Variants in FOXP4 observed in about 807,000 individuals in gnomAD.
FOXP4 encodes forkhead box P4, also known as forkhead box protein P4.
A neutral mutation model predicts 82.6 loss-of-function variants in FOXP4; 25 were observed. The ratio of observed to expected loss-of-function variants is 0.30; its 90% confidence interval spans 0.22 to 0.42. FOXP4 has a LOEUF of 0.42. FOXP4 is among the 10% of genes least tolerant of loss of function. The probability of loss-of-function intolerance (pLI) is 1.00; values close to 1 mark genes in which losing one functional copy is unlikely to be tolerated. For synonymous variants in FOXP4, 415 were observed against 388.2 expected (o/e 1.07, Z -0.81); for missense variants, 785 against 900.9 (o/e 0.87, Z 1.65).
chr6:41,593,223 C>T lies in FOXP4; in HGVS notation c.1537-1647C>T, dbSNP rs1200058962. ...CCCTCAGGTCATCTCTGCTCCTCTC[C>T]CGAATTATTTGTGCTTTCTTCTTTC... is the stretch of plus-strand genomic sequence containing the variant. On this transcript the variant is annotated intron_variant, in intron 13 of 16. Transcript: ENST00000307972. This position sits in a 1 kb window ranked among gnomAD's most constrained non-coding sequence, Gnocchi z 4.1. Among the ~76,000 whole-genome samples the T allele has an allele frequency of 6.6e-6, 1 of 152,214 alleles. No homozygotes were observed. The highest frequency in any genetic ancestry group is 6.5e-5 in the Admixed American group (1 of 15,288).
intron 15 of FOXP4, 101 bp from the exon 16 acceptor site, chr6:41,597,680 C>T: frequency 7.0e-7 from 1 of 1,426,838 alleles, no homozygotes; most frequent in Non-Finnish European, 9.4e-7. Flanking sequence ...AGTAGGCAGA[C>T]ACACAGGCAG....
chr6:41,593,704 C>T lies in FOXP4; in HGVS notation c.1537-1166C>T, dbSNP rs1436531702. ...GCTCCAAGAGATTCCACTCCAGCCG[C>T]CCGCCTCCCTCGTGGATTAGCAAGC... On this transcript the variant is annotated intron_variant, in intron 13 of 16. Coordinates refer to ENST00000307972, the MANE Select transcript of FOXP4 (RefSeq NM_001012426.2). The surrounding 1 kb of genome is among the most constrained non-coding windows in gnomAD (Gnocchi z 4.1). 1.3e-5 allele frequency among the ~76,000 whole-genome samples: 2 copies of T among 152,160 alleles called. No homozygotes were observed. Among genetic ancestry groups the T allele is most frequent in the Non-Finnish European group, 2.9e-5 (2 of 68,030 alleles).
intron 2 of FOXP4, 36 bp downstream of exon 2, chr6:41,566,000 GGA>G: frequency 6.3e-7 from 1 of 1,587,462 alleles, no homozygotes. Flanking sequence ...TCTGGGAGCG[GGA>G]GAGGGGCACT....
rs1299334359 is a variant in FOXP4 at position 41,591,353 on chromosome 6, C to T, written c.1536+31C>T. On this transcript the variant is annotated intron_variant, in intron 13 of 16. Coordinates refer to ENST00000307972, the MANE Select transcript of FOXP4 (RefSeq NM_001012426.2). This position sits in a 1 kb window ranked among gnomAD's most constrained non-coding sequence, Gnocchi z 4.2. ...GCAGGCCCCTTCCACCTTCTGGGCC[C>T]CAGTCACCCTTGGACCTGCCATATC... 6.5e-7 allele frequency: 1 copy of T among 1,540,428 alleles called. No individual in the cohort carries two copies.
chr6:41,563,953 A>G (rs1338727440), intron 1 of FOXP4, among the ~76,000 whole-genome samples: 14 of 152,190 alleles, frequency 9.2e-5, no homozygotes. Flanking sequence ...GGATCCTGGA[A>G]CCAATCCCCC....
At chr6:41,562,363 A>G (rs968527496) in intron 1 of FOXP4, among the ~76,000 whole-genome samples, 2 of 152,180 alleles carry the variant, frequency 1.3e-5, no homozygotes, top group East Asian at 1.9e-4. Flanking sequence ...TCAAATGCAT[A>G]TAATCTCAAG....
chr6:41,597,980 C>G (rs1196307394), intron 16 of FOXP4, 30 bp downstream of exon 16: 1 of 1,440,282 alleles, frequency 6.9e-7, no homozygotes, highest in East Asian at 2.6e-5. Context: ...CCCCACCCAC[C>G]CCAGCACCCC....
intron 1 of FOXP4, among the ~76,000 whole-genome samples, chr6:41,556,825 G>C (rs1432522263): frequency 6.6e-6 from 1 of 152,120 alleles, no homozygotes; most frequent in Non-Finnish European, 1.5e-5. Flanking sequence ...CTCAATCCTG[G>C]CTGCACTGGG....
Position 41,585,463 on chromosome 6 carries a change from G to C in FOXP4, c.456G>C (p.Gln152His). 6.2e-7 allele frequency: 1 copy of C among 1,613,910 alleles called. No homozygotes were observed. Among genetic ancestry groups the C allele is most frequent in the South Asian group, 1.1e-5 (1 of 91,074 alleles). The stretch of plus-strand genomic sequence containing the variant: ...AGTACTACAAGAAGCAGCAGGAGCA[G>C]CTCCACCTGCAGCTCCTCACCCAGC... Reference protein sequence around the residue: ...LQEYYKKQQEQLHLQLLTQQQ... With the variant: ...LQEYYKKQQEHLHLQLLTQQQ... Residue 152 changes from glutamine (Q) to histidine (H), a missense_variant, in exon 5 of 17, where the codon CAG becomes CAC. This residue lies in a region of FOXP4 where 570 missense variants were observed against 634.0 expected (regional missense o/e 0.90). Coordinates refer to ENST00000307972, the MANE Select transcript of FOXP4 (RefSeq NM_001012426.2).
intron 15 of FOXP4, 23 bp downstream of exon 15, chr6:41,597,265 A>C (rs776032020): frequency 6.2e-7 from 1 of 1,611,194 alleles, no homozygotes; most frequent in Non-Finnish European, 8.5e-7. Flanking sequence ...GAGCCCACCC[A>C]CTCACCTCTA....
At chr6:41,577,925 C>A in intron 2 of FOXP4, 61 bp from the exon 3 acceptor site, 1 of 1,296,852 alleles carries the variant, frequency 7.7e-7, no homozygotes, top group South Asian at 1.2e-5. Flanking sequence ...CCAAACACTC[C>A]CTAATCCCTG....
Position 41,600,497 on chromosome 6 carries a change from C to A in FOXP4, c.*1561C>A, listed in dbSNP as rs1464936149. 1 of 152,422 alleles carries A rather than the reference C, an allele frequency of 6.6e-6. No homozygotes were observed. The highest frequency in any genetic ancestry group is 6.5e-5 in the Admixed American group (1 of 15,276). 9.4% of individuals were successfully genotyped at this position (152,422 alleles called of 1,614,324 possible). A position where few individuals can be genotyped will look rare whatever the true frequency, so the allele number is the denominator to read the frequency against. On this transcript the variant is annotated 3_prime_UTR_variant, in exon 17 of 17. Transcript: ENST00000307972. ...AGACTCCTTGGATATTTCCCAAGAA[C>A]CCCCCACATACACCCCTCACAAGCC...
At chr6:41,580,392 T>G (rs1184177899) in intron 3 of FOXP4, among the ~76,000 whole-genome samples, 1 of 152,168 alleles carries the variant, frequency 6.6e-6, no homozygotes. Flanking sequence ...ACTCACACTT[T>G]TAATCTCTGC....
intron 2 of FOXP4, among the ~76,000 whole-genome samples, chr6:41,576,018 C>A (rs1371847997): frequency 1.3e-5 from 2 of 151,368 alleles, no homozygotes; most frequent in African/African-American, 4.9e-5. Context: ...TTCCTAATGA[C>A]CACCTGACTC....
chr6:41,564,556 G>T (rs1227653819), intron 1 of FOXP4, among the ~76,000 whole-genome samples: 1 of 152,170 alleles, frequency 6.6e-6, no homozygotes, highest in East Asian at 1.9e-4. Flanking sequence ...CTCTTTCTAG[G>T]GGGATGTTTC....
rs138528943 is a variant in FOXP4, at chr6:41,579,269, C to T, written c.300+1188C>T. 2.8e-3 allele frequency among the ~76,000 whole-genome samples: 430 copies of T among 152,118 alleles called. 10 individuals carry two copies. Among genetic ancestry groups the T allele is most frequent in the East Asian group, 2.7e-3 (14 of 5,164 alleles). Reference sequence around the variant, plus strand: ...TGGCCTGGGGTGGAGGAGGGGAAGACACAATCTGGAAAGTCAATAAAGAGA... The same window carrying T: ...TGGCCTGGGGTGGAGGAGGGGAAGATACAATCTGGAAAGTCAATAAAGAGA... On this transcript the variant is annotated intron_variant, in intron 3 of 16. Coordinates refer to ENST00000307972, the MANE Select transcript of FOXP4 (RefSeq NM_001012426.2).
chr6:41,587,243 A>G, intron 6 of FOXP4, 56 bp from the exon 7 acceptor site: 1 of 1,608,094 alleles, frequency 6.2e-7, no homozygotes, highest in East Asian at 2.2e-5. Flanking sequence ...TCTTGGGGCC[A>G]GGTAGAAAGC....
At chr6:41,586,737 G>A (rs1374652584) in intron 5 of FOXP4, among the ~76,000 whole-genome samples, 2 of 152,212 alleles carry the variant, frequency 1.3e-5, no homozygotes, top group African/African-American at 4.8e-5. Flanking sequence ...GGAGGGAGGC[G>A]GGAGGAGGGA....
In FOXP4 at chr6:41,601,532, A is replaced by G. The variant is rs1319513676; in HGVS notation, c.*2596A>G. ...TTATTGCCCAGACTGGAGTGCAGTGATGCTATCTCGGCTCACTGCAACCTT... is the reference window on the plus strand; with the variant it reads ...TTATTGCCCAGACTGGAGTGCAGTGGTGCTATCTCGGCTCACTGCAACCTT... On this transcript the variant is annotated 3_prime_UTR_variant, in exon 17 of 17. Coordinates refer to ENST00000307972, the MANE Select transcript of FOXP4 (RefSeq NM_001012426.2). 6.6e-6 allele frequency: 1 copy of G among 152,122 alleles called. No homozygotes were observed. Among genetic ancestry groups the G allele is most frequent in the African/African-American group, 2.4e-5 (1 of 41,394 alleles). The allele number at this position is 152,122 out of a possible 1,614,324, so 9.4% of individuals were successfully genotyped here. A position where few individuals can be genotyped will look rare whatever the true frequency, so the allele number is the denominator to read the frequency against.
Sources: allele counts gnomAD v4.1 joint callset (sites outside exome capture counted in the v4.1 genomes callset), GRCh38; gene constraint gnomAD v4.1.1; regional missense constraint gnomAD v4.1.1; non-coding constraint Gnocchi (gnomAD v3.1); transcripts MANE v1.5; gene names NCBI Gene and HGNC (gene_info 2026-07-23, HGNC 2026-07-21).